The following CSMD1 variants were observed in gnomAD, a reference collection of about 807,000 sequenced individuals.
The protein encoded by CSMD1 is CUB and Sushi multiple domains 1.
A neutral mutation model predicts 417.5 loss-of-function variants in CSMD1; 213 were observed. The observed-to-expected ratio is 0.51, with a 90% confidence interval of 0.46 to 0.57. The LOEUF is 0.57. Among genes scored for constraint, CSMD1 ranks in the 20% least tolerant of loss-of-function variants. CSMD1 has a pLI of 0.00. For missense variants in CSMD1, 6,923 were observed against 4,529.7 expected, an observed-to-expected ratio of 1.53 and a Z score of -15.17; for synonymous variants, 2,862 against 1,736.8, an observed-to-expected ratio of 1.65 and a Z score of -16.11.
intron 26 of CSMD1, among the ~76,000 whole-genome samples, chr8:3,257,155 C>T (rs57686995): frequency 3.9e-5 from 6 of 152,108 alleles, no homozygotes; most frequent in Non-Finnish European, 7.3e-5. Context: ...AACCCCATCT[C>T]CGCTAAAAAC....
chr8:3,310,923 G>T (rs114125013), intron 23 of CSMD1, among the ~76,000 whole-genome samples: 20 of 152,170 alleles, frequency 1.3e-4, no homozygotes, highest in Non-Finnish European at 2.2e-4. Flanking sequence ...AATATTGCAC[G>T]TAATGCTTCT....
At chr8:4,848,863 A>G (rs28811086) in intron 1 of CSMD1, among the ~76,000 whole-genome samples, 65,239 of 152,174 alleles carry the variant, frequency 0.43, 15,724 homozygotes, top group East Asian at 0.67. Flanking sequence ...ATACTTAATA[A>G]TAATAAACAA....
At chr8:3,095,877 T>C (rs574778281) in intron 47 of CSMD1, among the ~76,000 whole-genome samples, 3 of 152,244 alleles carry the variant, frequency 2.0e-5, no homozygotes, top group African/African-American at 7.2e-5. Context: ...TTCATTGAAA[T>C]TGCAAAAAAA....
At chr8:2,959,899 A>G (rs2128924526) in intron 62 of CSMD1, among the ~76,000 whole-genome samples, 1 of 152,340 alleles carries the variant, frequency 6.6e-6, no homozygotes, top group South Asian at 2.1e-4. Context: ...TCTTTAAATT[A>G]TTAGTAAATC....
chr8:4,705,348 C>T (rs1209275370), intron 1 of CSMD1, among the ~76,000 whole-genome samples: 2 of 152,094 alleles, frequency 1.3e-5, no homozygotes, highest in African/African-American at 2.4e-5. Context: ...TAAGAACATA[C>T]TTTCTGGAAA....
intron 5 of CSMD1, among the ~76,000 whole-genome samples, chr8:3,855,236 G>T (rs1446491561): frequency 6.6e-6 from 1 of 152,076 alleles, no homozygotes; most frequent in Non-Finnish European, 1.5e-5. Context: ...TTTTGTAAAA[G>T]AAGAAATAAC....
chr8:4,206,310 C>G (rs1193516203), intron 3 of CSMD1, among the ~76,000 whole-genome samples: 1 of 152,064 alleles, frequency 6.6e-6, no homozygotes, highest in Non-Finnish European at 1.5e-5. Flanking sequence ...TTGTCATTTA[C>G]ATTAGGTATA....
At position 4,137,520 on chromosome 8, in the gene CSMD1, T is replaced by A. The variant is rs535091115; in HGVS notation, c.416-105421A>T. Among the ~76,000 whole-genome samples, 4 of 132,272 alleles carry A rather than the reference T, an allele frequency of 3.0e-5. 1 individual carries two copies. In the East Asian group the frequency reaches 8.0e-4, roughly 27 times the overall value. The allele number at this position is 132,272 out of a possible 152,430, so 86.8% of individuals were successfully genotyped here. On this transcript the variant is annotated intron_variant, in intron 3 of 69. Transcript: ENST00000635120. Reference sequence around the variant, plus strand: ...GTTTTTCCTTTTAAAAATATTATGGTAGTGTTTAATATTCCATTTGTATTA... The same window carrying A: ...GTTTTTCCTTTTAAAAATATTATGGAAGTGTTTAATATTCCATTTGTATTA...
intron 4 of CSMD1, among the ~76,000 whole-genome samples, chr8:4,014,262 A>G (rs774607985): frequency 6.6e-5 from 10 of 152,236 alleles, no homozygotes; most frequent in Admixed American, 5.9e-4. Context: ...ACACAGTGCT[A>G]TATGTACAGA....
chr8:3,071,139 G>T (rs1373280341), intron 49 of CSMD1, among the ~76,000 whole-genome samples: 1 of 152,174 alleles, frequency 6.6e-6, no homozygotes. Flanking sequence ...AGCCATGAAG[G>T]ATCCACCCGC....
chr8:3,103,636 C>T (rs757434174), intron 46 of CSMD1, among the ~76,000 whole-genome samples: 20 of 151,996 alleles, frequency 1.3e-4, no homozygotes, highest in Admixed American at 2.6e-4. Flanking sequence ...CGGTTCAAAA[C>T]GTCATGCAGT....
chr8:3,711,043 A>G (rs1801479421), intron 6 of CSMD1, among the ~76,000 whole-genome samples: 1 of 152,148 alleles, frequency 6.6e-6, no homozygotes, highest in Non-Finnish European at 1.5e-5. Flanking sequence ...TATTATGTCT[A>G]AACTGCCAAG....
chr8:3,915,054 G>T (rs1808720792), intron 5 of CSMD1, among the ~76,000 whole-genome samples: 1 of 152,098 alleles, frequency 6.6e-6, no homozygotes, highest in Non-Finnish European at 1.5e-5. Flanking sequence ...GATACAGGCA[G>T]GGAATAGTTA....
At chr8:3,856,073 C>A (rs1804289273) in intron 5 of CSMD1, among the ~76,000 whole-genome samples, 1 of 151,994 alleles carries the variant, frequency 6.6e-6, no homozygotes, top group South Asian at 2.1e-4. Context: ...TGGTTTGGAT[C>A]TGTGTTCCCA....
At chr8:4,364,070 G>T (rs555771332) in intron 3 of CSMD1, among the ~76,000 whole-genome samples, 2 of 152,150 alleles carry the variant, frequency 1.3e-5, no homozygotes, top group African/African-American at 4.8e-5. Flanking sequence ...TAACAGAAAA[G>T]TTAAGTGCTT....
At chr8:4,085,299 T>C (rs1029822746) in intron 3 of CSMD1, among the ~76,000 whole-genome samples, 1 of 152,136 alleles carries the variant, frequency 6.6e-6, no homozygotes, top group Non-Finnish European at 1.5e-5. Context: ...CTTATCTAGT[T>C]AGGAAGTTTA....
intron 51 of CSMD1, among the ~76,000 whole-genome samples, chr8:3,022,083 G>A (rs929441577): frequency 7.0e-5 from 10 of 142,312 alleles, no homozygotes; most frequent in Non-Finnish European, 1.2e-4. Flanking sequence ...ACAGCATCCG[G>A]AATACACCCG....
At chr8:4,711,973 C>T (rs1006849346) in intron 1 of CSMD1, among the ~76,000 whole-genome samples, 1 of 152,136 alleles carries the variant, frequency 6.6e-6, no homozygotes, top group African/African-American at 2.4e-5. Context: ...CAGTTTTAAA[C>T]TCAAGTCAGT....
At chr8:4,815,710 A>G (rs1157750357) in intron 1 of CSMD1, among the ~76,000 whole-genome samples, 9 of 151,228 alleles carry the variant, frequency 6.0e-5, no homozygotes, top group Admixed American at 3.9e-4. Flanking sequence ...AAAAAAAAAA[A>G]AAAAAAAAGA....
Sources: gnomAD v4.1 joint callset for allele counts (sites outside exome capture counted in the v4.1 genomes callset) on GRCh38, gnomAD v4.1.1 for gene constraint, MANE v1.5 for transcripts, NCBI Gene and HGNC (gene_info 2026-07-23, HGNC 2026-07-21) for gene names.